The following EDEM2 variants were observed in gnomAD, a reference collection of about 807,000 sequenced individuals.
EDEM2 encodes the protein ER degradation enhancing alpha-mannosidase like protein 2.
A neutral mutation model predicts 64.8 loss-of-function variants in EDEM2; 39 were observed. The ratio of observed to expected loss-of-function variants is 0.60; its 90% CI spans 0.47 to 0.79. EDEM2 has a LOEUF of 0.79. Among genes scored for constraint, EDEM2 ranks in the 30% least tolerant of loss-of-function variants. EDEM2 has a pLI of 0.00. For synonymous variants in EDEM2, 296 were observed against 291.5 expected (o/e 1.02, Z -0.16); for missense variants, 609 against 731.3 (o/e 0.83, Z 1.93).
chr20:35,118,109 C>T (rs557436606), intron 10 of EDEM2, among the ~76,000 whole-genome samples: 4 of 152,294 alleles, frequency 2.6e-5, no homozygotes, highest in African/African-American at 4.8e-5. Flanking sequence ...TCCATGAGAG[C>T]AAGGCCACTG....
intron 10 of EDEM2, among the ~76,000 whole-genome samples, chr20:35,116,155 G>A (rs1043839240): frequency 1.3e-5 from 2 of 152,112 alleles, no homozygotes; most frequent in Non-Finnish European, 2.9e-5. Flanking sequence ...TCTTAGCCCT[G>A]CAGTTTATAT....
At position 35,115,953 on chromosome 20, in the gene EDEM2, A is replaced by G; in HGVS notation, c.1237-20T>C. 1.2e-6 allele frequency: 2 copies of G among 1,606,116 alleles called. No individual in the cohort carries two copies. The highest frequency in any genetic ancestry group is 1.7e-6 in the Non-Finnish European group (2 of 1,175,550). ...TTTGATCTGACATGTGGGAGAAGGA[A>G]GCAAGCTGGAACACCATCACAATTT... On this transcript the variant is annotated intron_variant, in intron 10 of 10. Coordinates refer to ENST00000374492, the MANE Select transcript of EDEM2 (RefSeq NM_018217.3).
In EDEM2 at chr20:35,115,374, A is replaced by C; in HGVS notation, c.*59T>G. The C allele has an allele frequency of 6.5e-7, 1 of 1,535,920 alleles. No individual in the cohort carries two copies. On this transcript the variant is annotated 3_prime_UTR_variant, in exon 11 of 11. Coordinates refer to ENST00000374492, the MANE Select transcript of EDEM2 (RefSeq NM_018217.3). ...ACATGATAACCAAAATATGATAGCCAAAAGCAATTTATTATAGTTTAGCCT... is the reference window on the plus strand; with the variant it reads ...ACATGATAACCAAAATATGATAGCCCAAAGCAATTTATTATAGTTTAGCCT...
chr20:35,118,703 T>G lies in EDEM2; in HGVS notation c.1131A>C (p.Ala377=), dbSNP rs201698575. The change falls in exon 10 of 11, where the codon GCA becomes GCC. Residue 377 remains alanine, a synonymous_variant. Transcript: ENST00000374492. The stretch of plus-strand genomic sequence containing the variant: ...CCCCCGTGGCACGGTAGAGGTACAT[T>G]GCGCTTTCAATAAGTTCTGCAAAGT... ...YPLRPELIES[A]MYLYRATGDP... is the part of the protein sequence containing the mutation. 7.4e-6 allele frequency: 12 copies of G among 1,612,476 alleles called. No individual in the cohort carries two copies. The highest frequency in any genetic ancestry group is 1.0e-5 in the Non-Finnish European group (12 of 1,179,966).
intron 9 of EDEM2, among the ~76,000 whole-genome samples, chr20:35,120,898 T>A (rs2085361240): frequency 6.6e-6 from 1 of 152,156 alleles, no homozygotes; most frequent in South Asian, 2.1e-4. Context: ...CACCCAGCCC[T>A]CTTCTGCTTC....
chr20:35,140,823 A>G (rs1178938789), intron 4 of EDEM2, among the ~76,000 whole-genome samples: 1 of 152,170 alleles, frequency 6.6e-6, no homozygotes, highest in African/African-American at 2.4e-5. Flanking sequence ...AGGAACATAA[A>G]GAAGATGGCA....
At chr20:35,136,442 G>C (rs1465146029) in intron 5 of EDEM2, among the ~76,000 whole-genome samples, 1 of 152,128 alleles carries the variant, frequency 6.6e-6, no homozygotes, top group African/African-American at 2.4e-5. Context: ...CTCCCCCAAA[G>C]GAGAGGCAAG....
At chr20:35,131,215 G>A (rs1431903472) in intron 7 of EDEM2, among the ~76,000 whole-genome samples, 5 of 152,178 alleles carry the variant, frequency 3.3e-5, no homozygotes, top group Non-Finnish European at 7.3e-5. Flanking sequence ...GCATGAAGTG[G>A]GCAGTGTAAG....
At position 35,125,494 on chromosome 20, in the gene EDEM2, C is replaced by G. The variant is rs1210550318; in HGVS notation, c.969+757G>C. Among the ~76,000 whole-genome samples the G allele has an allele frequency of 3.9e-5, 6 of 152,024 alleles. No individual in the cohort carries two copies. In the East Asian group the frequency reaches 9.6e-4, roughly 24 times the overall value. Reference sequence around the variant, plus strand: ...CCGCCTCCCAGGTTCATGCCATTCTCCTGCCTCAGCCTCCCGAGTAGCTGG... The same window carrying G: ...CCGCCTCCCAGGTTCATGCCATTCTGCTGCCTCAGCCTCCCGAGTAGCTGG... On this transcript the variant is annotated intron_variant, in intron 8 of 10. Coordinates refer to ENST00000374492, the MANE Select transcript of EDEM2 (RefSeq NM_018217.3).
chr20:35,147,045 C>T (rs1275519348), intron 1 of EDEM2, 107 bp downstream of exon 1: 1 of 1,544,206 alleles, frequency 6.5e-7, no homozygotes. Context: ...CTCCCTGGGA[C>T]CTAGCGGCTG....
chr20:35,116,946 C>A (rs2085316078), intron 10 of EDEM2, among the ~76,000 whole-genome samples: 1 of 152,110 alleles, frequency 6.6e-6, no homozygotes. Context: ...CATGCCACCA[C>A]ACCCAGGTAA....
intron 2 of EDEM2, 34 bp downstream of exon 2, chr20:35,146,791 C>A (rs763302301): frequency 6.2e-7 from 1 of 1,606,180 alleles, no homozygotes; most frequent in South Asian, 1.1e-5. Flanking sequence ...GAGAGTCAGA[C>A]CCTGGCCGCC....
chr20:35,121,428 G>A (rs562814003), intron 9 of EDEM2, among the ~76,000 whole-genome samples: 3 of 152,302 alleles, frequency 2.0e-5, no homozygotes, highest in South Asian at 2.1e-4. Flanking sequence ...CAATGTGAGC[G>A]ATGAGGAGCA....
Position 35,118,438 on chromosome 20 carries a change from G to A in EDEM2, c.1236+160C>T, listed in dbSNP as rs181748000. 7.4e-4 allele frequency: 808 copies of A among 1,088,300 alleles called. 9 individuals carry two copies. The highest frequency in any genetic ancestry group is 2.1e-4 in the Middle Eastern group (1 of 4,716). 67.4% of individuals were successfully genotyped at this position (1,088,300 alleles called of 1,614,324 possible). The stretch of plus-strand genomic sequence containing the variant: ...CTTTAGCAAGGCACTTAGCTTCTCT[G>A]TTCTTTGGTCTCCCCATCTGTAAAA... On this transcript the variant is annotated intron_variant, in intron 10 of 10. Transcript: ENST00000374492.
In EDEM2 at chr20:35,142,520, C is replaced by A. The variant is rs1269819880; in HGVS notation, c.259-42G>T. On this transcript the variant is annotated intron_variant, in intron 3 of 10. Coordinates refer to ENST00000374492, the MANE Select transcript of EDEM2 (RefSeq NM_018217.3). ...GACCTGACAATGAGGCTCTTACATG[C>A]ATGGAGGCAGATTCAGAGTCTGGGA... 3 of 1,459,986 alleles carry A rather than the reference C, an allele frequency of 2.1e-6. No individual in the cohort carries two copies. The Admixed American group carries it at 5.3e-5, about 26-fold the overall frequency. The allele number at this position is 1,459,986 out of a possible 1,614,324, so 90.4% of individuals were successfully genotyped here. A position where few individuals can be genotyped will look rare whatever the true frequency, so the allele number is the denominator to read the frequency against.
chr20:35,129,336 G>A (rs2085477617), intron 7 of EDEM2, among the ~76,000 whole-genome samples: 1 of 151,912 alleles, frequency 6.6e-6, no homozygotes, highest in Non-Finnish European at 1.5e-5. Flanking sequence ...GAACCCGGGA[G>A]GCAGAGGTTG....
At chr20:35,146,975 CA>C in intron 1 of EDEM2, 40 bp from the exon 2 acceptor site, 4 of 1,595,462 alleles carry the variant, frequency 2.5e-6, no homozygotes, top group Non-Finnish European at 3.4e-6. Context: ...GGCAAGAACA[CA>C]AAAACAAGCG....
intron 9 of EDEM2, among the ~76,000 whole-genome samples, chr20:35,120,182 C>A (rs2085351889): frequency 6.6e-6 from 1 of 152,192 alleles, no homozygotes; most frequent in South Asian, 2.1e-4. Context: ...CATGCCTCAA[C>A]CTCCCAAGTA....
At chr20:35,125,692 T>G (rs1489717020) in intron 8 of EDEM2, among the ~76,000 whole-genome samples, 1 of 152,212 alleles carries the variant, frequency 6.6e-6, no homozygotes, top group African/African-American at 2.4e-5. Context: ...CCTAATTTTT[T>G]ATTTTTTGTA....
Sources: gnomAD v4.1 joint callset for allele counts (sites outside exome capture counted in the v4.1 genomes callset) on GRCh38, gnomAD v4.1.1 for gene constraint, MANE v1.5 for transcripts, NCBI Gene and HGNC (gene_info 2026-07-23, HGNC 2026-07-21) for gene names.